MTSS1: variants seen among roughly 807,000 people sequenced by gnomAD.
MTSS1 encodes the protein MTSS I-BAR domain containing 1, also known as protein MTSS 1.
A neutral mutation model predicts 79.0 loss-of-function variants in MTSS1; 18 were observed. That is an observed-to-expected ratio of 0.23 (90% CI 0.16 to 0.34). The LOEUF is 0.34. Among genes scored for constraint, MTSS1 ranks in the 10% least tolerant of loss-of-function variants. The pLI is 1.00. For synonymous variants in MTSS1, 341 were observed against 368.6 expected, an observed-to-expected ratio of 0.93 and a Z score of 0.86; for missense variants, 815 against 986.2, an observed-to-expected ratio of 0.83 and a Z score of 2.33.
At chr8:124,681,780 A>C (rs1474762232) in intron 3 of MTSS1, among the ~76,000 whole-genome samples, 1 of 152,200 alleles carries the variant, frequency 6.6e-6, no homozygotes, top group African/African-American at 2.4e-5. Flanking sequence ...AAGAGCAAAA[A>C]AAATGCCGTC....
chr8:124,720,667 C>T (rs540833690), intron 1 of MTSS1, among the ~76,000 whole-genome samples: 2 of 152,328 alleles, frequency 1.3e-5, no homozygotes, highest in South Asian at 2.1e-4. Flanking sequence ...TCAACTTCTC[C>T]ATTTCCTGCA....
At chr8:124,599,140 G>A (rs561309881) in intron 3 of MTSS1, among the ~76,000 whole-genome samples, 7 of 152,256 alleles carry the variant, frequency 4.6e-5, no homozygotes, top group South Asian at 2.1e-4. Flanking sequence ...AGCAGCTCCC[G>A]TTCCCCCACA....
intron 13 of MTSS1, among the ~76,000 whole-genome samples, chr8:124,554,713 A>G (rs1410224951): frequency 6.6e-6 from 1 of 152,232 alleles, no homozygotes; most frequent in Non-Finnish European, 1.5e-5. Flanking sequence ...TGGTTGTGTG[A>G]ATATGAGCGA....
At chr8:124,558,166 T>C (rs1449819538) in intron 10 of MTSS1, among the ~76,000 whole-genome samples, 1 of 152,226 alleles carries the variant, frequency 6.6e-6, no homozygotes, top group East Asian at 1.9e-4. Context: ...TCAATGGTTT[T>C]TGATAATGTA....
chr8:124,711,912 G>A (rs1481244152), intron 1 of MTSS1, among the ~76,000 whole-genome samples: 2 of 151,314 alleles, frequency 1.3e-5, no homozygotes, highest in East Asian at 3.9e-4. Flanking sequence ...GGAGGCTAAG[G>A]CATGAAAATC....
chr8:124,561,379 C>T (rs1825272338), intron 10 of MTSS1, among the ~76,000 whole-genome samples: 1 of 152,194 alleles, frequency 6.6e-6, no homozygotes, highest in South Asian at 2.1e-4. Context: ...CATTGCACCA[C>T]TGCACTCCAG....
At chr8:124,608,585 T>C (rs1297993242) in intron 3 of MTSS1, among the ~76,000 whole-genome samples, 1 of 152,214 alleles carries the variant, frequency 6.6e-6, no homozygotes, top group East Asian at 1.9e-4. Flanking sequence ...CCCTGGGGTA[T>C]GATGGGGGTC....
intron 6 of MTSS1, among the ~76,000 whole-genome samples, chr8:124,576,932 T>C (rs951584219): frequency 2.0e-5 from 3 of 152,208 alleles, no homozygotes; most frequent in African/African-American, 7.2e-5. Context: ...CGTGCCTCCA[T>C]ACTCTATATA....
intron 3 of MTSS1, among the ~76,000 whole-genome samples, chr8:124,592,675 T>C (rs1319299001): frequency 6.6e-6 from 1 of 152,208 alleles, no homozygotes. Context: ...AATATTTCTA[T>C]ATTTTATTTC....
Position 124,589,628 on chromosome 8 carries a change from T to C in MTSS1, c.377A>G (p.His126Arg). The change falls in exon 5 of 14, where the codon CAC becomes CGC. Residue 126 changes from histidine (H) to arginine (R), a missense_variant. This residue lies in a region of MTSS1 where 225 missense variants were observed against 365.4 expected (regional missense o/e 0.62). Transcript: ENST00000518547. Reference protein sequence around the residue: ...KKVANQLDKDHAKEYKKARQE... With the variant: ...KKVANQLDKDRAKEYKKARQE... ...ACATCTCGCCCCTGTACCTTTTGCG[T>C]GGTCTTTATCCAGCTGGTTGGCCAC... The C allele has an allele frequency of 6.2e-7, 1 of 1,613,076 alleles. No individual in the cohort carries two copies. Among genetic ancestry groups the C allele is most frequent in the East Asian group, 2.2e-5 (1 of 44,822 alleles).
chr8:124,578,751 T>A (rs1829471344), intron 6 of MTSS1, among the ~76,000 whole-genome samples: 1 of 152,046 alleles, frequency 6.6e-6, no homozygotes, highest in South Asian at 2.1e-4. Flanking sequence ...GCCGAGATCG[T>A]GTCACTGATC....
intron 3 of MTSS1, among the ~76,000 whole-genome samples, chr8:124,618,660 G>C (rs1812873368): frequency 6.6e-6 from 1 of 152,178 alleles, no homozygotes; most frequent in South Asian, 2.1e-4. Context: ...GAGGTTTCCT[G>C]CATTTGCCTT....
chr8:124,727,443 T>A lies in MTSS1; in HGVS notation c.72+441A>T. Reference sequence around the variant, plus strand: ...TCTCCTAGGCTAGGGGACTCCTTCCTGCGAGCGGGCAGAGCCCCCACTTCC... The same window carrying A: ...TCTCCTAGGCTAGGGGACTCCTTCCAGCGAGCGGGCAGAGCCCCCACTTCC... On this transcript the variant is annotated intron_variant, in intron 1 of 13. Transcript: ENST00000518547. This position sits in a 1 kb window ranked among gnomAD's most constrained non-coding sequence, Gnocchi z 4.7. 4.8e-6 allele frequency: 2 copies of A among 419,322 alleles called. No individual in the cohort carries two copies. Among genetic ancestry groups the A allele is most frequent in the Non-Finnish European group, 9.5e-6 (2 of 209,854 alleles). The allele number at this position is 419,322 out of a possible 1,614,324, so 26.0% of individuals were successfully genotyped here. A position where few individuals can be genotyped will look rare whatever the true frequency, so the allele number is the denominator to read the frequency against.
intron 10 of MTSS1, among the ~76,000 whole-genome samples, chr8:124,559,692 T>C (rs1445967353): frequency 1.2e-4 from 18 of 152,204 alleles, no homozygotes; most frequent in African/African-American, 3.4e-4. Flanking sequence ...AAGTTTCTTC[T>C]AGTTCTGGAC....
intron 3 of MTSS1, among the ~76,000 whole-genome samples, chr8:124,603,578 C>T (rs1178717887): frequency 6.6e-6 from 1 of 152,194 alleles, no homozygotes; most frequent in African/African-American, 2.4e-5. Flanking sequence ...TACCCTTGGG[C>T]ATGGAGAGAT....
chr8:124,568,882 C>G (rs764727158), intron 6 of MTSS1: 2 of 1,415,916 alleles, frequency 1.4e-6, no homozygotes, highest in Non-Finnish European at 1.8e-6. Flanking sequence ...CCTTGCAGAA[C>G]ATTCTGAAGA....
chr8:124,718,203 A>G (rs1832383433), intron 1 of MTSS1, among the ~76,000 whole-genome samples: 1 of 151,740 alleles, frequency 6.6e-6, no homozygotes, highest in Non-Finnish European at 1.5e-5. Context: ...ACTTTACGTT[A>G]CTTACATAAT....
At chr8:124,623,743 G>A (rs1048951774) in intron 3 of MTSS1, among the ~76,000 whole-genome samples, 4 of 152,128 alleles carry the variant, frequency 2.6e-5, no homozygotes, top group South Asian at 2.1e-4. Flanking sequence ...GGGTTCAAGC[G>A]ATTCTCCTGC....
intron 3 of MTSS1, among the ~76,000 whole-genome samples, chr8:124,693,398 T>C (rs1010787437): frequency 6.6e-6 from 1 of 152,180 alleles, no homozygotes; most frequent in South Asian, 2.1e-4. Context: ...TCTGATTCCA[T>C]GGGAGTGGCA....
Sources: allele counts gnomAD v4.1 joint callset (sites outside exome capture counted in the v4.1 genomes callset), GRCh38; gene constraint gnomAD v4.1.1; regional missense constraint gnomAD v4.1.1; non-coding constraint Gnocchi (gnomAD v3.1); transcripts MANE v1.5; gene names NCBI Gene and HGNC (gene_info 2026-07-23, HGNC 2026-07-21).